Variants in RPS6KC1 observed in about 807,000 individuals in gnomAD.
The protein encoded by RPS6KC1 is inactive ribosomal protein S6 kinase delta-1.
RPS6KC1 carries 54 observed loss-of-function variants against 103.8 expected under a neutral mutation model. That is an observed-to-expected ratio of 0.52 (90% confidence interval 0.42 to 0.65). The LOEUF (loss-of-function observed/expected upper bound fraction) is 0.65, where lower values mean the gene tolerates loss of function less well. RPS6KC1 is among the 30% of genes least tolerant of loss of function. The pLI, the probability that RPS6KC1 is intolerant of heterozygous loss-of-function variation, is 0.00. For missense variants in RPS6KC1, 1,151 were observed against 1,253.8 expected (o/e 0.92, Z 1.24); for synonymous variants, 439 against 438.7 (o/e 1.00, Z -0.01).
At chr1:213,781,654 A>G in the RPS6KC1 span, among the ~76,000 whole-genome samples, 1 of 152,152 alleles carries the variant, frequency 6.6e-6, no homozygotes, top group Non-Finnish European at 1.5e-5. Flanking sequence ...GAGACTGGAG[A>G]CCCAAACTCA....
At chr1:213,839,320 T>G in the RPS6KC1 span, among the ~76,000 whole-genome samples, 1 of 152,226 alleles carries the variant, frequency 6.6e-6, no homozygotes, top group African/African-American at 2.4e-5. Context: ...ATCTCTCTGC[T>G]TTTGTATCTC....
chr1:213,426,000 GGAGTA>G, the RPS6KC1 span, among the ~76,000 whole-genome samples: 1 of 152,128 alleles, frequency 6.6e-6, no homozygotes, highest in Non-Finnish European at 1.5e-5. Context: ...TCCCAAGATT[GGAGTA>G]GAGTGTTTTA....
chr1:213,195,008 G>C (rs1377770507), intron 8 of RPS6KC1, among the ~76,000 whole-genome samples: 1 of 152,212 alleles, frequency 6.6e-6, no homozygotes, highest in Non-Finnish European at 1.5e-5. Context: ...ATTAGAGATG[G>C]TGGAGGAGAG....
chr1:213,078,070 A>C (rs1284247215), intron 3 of RPS6KC1, among the ~76,000 whole-genome samples: 1 of 152,168 alleles, frequency 6.6e-6, no homozygotes, highest in African/African-American at 2.4e-5. Context: ...CTGTAGGAAC[A>C]TAAGAAAAGG....
At chr1:213,481,250 T>A in the RPS6KC1 span, among the ~76,000 whole-genome samples, 16,292 of 152,266 alleles carry the variant, frequency 0.11, 1,196 homozygotes, top group Middle Eastern at 0.2. Context: ...TTTGAAACTA[T>A]TATCTAGAGC....
At chr1:213,819,248 A>C in the RPS6KC1 span, 1 of 152,274 alleles carries the variant, frequency 6.6e-6, no homozygotes, top group Non-Finnish European at 1.5e-5. Context: ...AAGGAAGTCC[A>C]TTCAGCTTTC....
At chr1:213,194,172 T>C (rs1325272426) in intron 8 of RPS6KC1, among the ~76,000 whole-genome samples, 1 of 152,228 alleles carries the variant, frequency 6.6e-6, no homozygotes, top group South Asian at 2.1e-4. Context: ...AGTATCTTTT[T>C]CCATCTCTTT....
chr1:213,832,915 T>G, the RPS6KC1 span, among the ~76,000 whole-genome samples: 1 of 152,092 alleles, frequency 6.6e-6, no homozygotes, highest in African/African-American at 2.4e-5. Flanking sequence ...CTCCCCTTCC[T>G]GTGAACTCCT....
chr1:213,132,954 T>A (rs1257817688), intron 6 of RPS6KC1, among the ~76,000 whole-genome samples: 1 of 152,216 alleles, frequency 6.6e-6, no homozygotes, highest in Non-Finnish European at 1.5e-5. Context: ...GTTTTTCTTA[T>A]TTAACTGGTA....
chr1:213,352,386 A>G, the RPS6KC1 span, among the ~76,000 whole-genome samples: 1 of 152,234 alleles, frequency 6.6e-6, no homozygotes, highest in African/African-American at 2.4e-5. Flanking sequence ...TGAAACATGC[A>G]AATGATGAAA....
the RPS6KC1 span, among the ~76,000 whole-genome samples, chr1:213,417,210 T>C: frequency 1.3e-5 from 2 of 152,140 alleles, no homozygotes; most frequent in African/African-American, 2.4e-5. Flanking sequence ...GAGCTCCTTA[T>C]ACATTTGCTA....
chr1:213,568,037 C>T, the RPS6KC1 span, among the ~76,000 whole-genome samples: 1 of 152,166 alleles, frequency 6.6e-6, no homozygotes, highest in Non-Finnish European at 1.5e-5. Flanking sequence ...TGGGACCACT[C>T]CCAAGTGACA....
intron 7 of RPS6KC1, among the ~76,000 whole-genome samples, chr1:213,175,835 C>T (rs2091829840): frequency 6.6e-6 from 1 of 152,132 alleles, no homozygotes; most frequent in African/African-American, 2.4e-5. Flanking sequence ...CTTAATTTTT[C>T]ACAATTATTG....
the RPS6KC1 span, among the ~76,000 whole-genome samples, chr1:213,783,425 T>G: frequency 6.6e-6 from 1 of 152,242 alleles, no homozygotes; most frequent in East Asian, 1.9e-4. Context: ...TAACCACTGG[T>G]GACATCTGCA....
chr1:213,838,584 GA>G, the RPS6KC1 span, among the ~76,000 whole-genome samples: 540 of 146,544 alleles, frequency 3.7e-3, 6 homozygotes, highest in African/African-American at 0.012. Flanking sequence ...ATTTTTCTGA[GA>G]AAAAAAAAAA....
intron 7 of RPS6KC1, among the ~76,000 whole-genome samples, chr1:213,168,540 C>G (rs959753143): frequency 1.4e-5 from 2 of 142,140 alleles, no homozygotes; most frequent in Non-Finnish European, 2.9e-5. Context: ...CTGGAGGAAA[C>G]TTTTCTGTTA....
At chr1:213,718,275 A>G in the RPS6KC1 span, among the ~76,000 whole-genome samples, 1 of 152,258 alleles carries the variant, frequency 6.6e-6, no homozygotes, top group Non-Finnish European at 1.5e-5. Context: ...AAAGCCCAGC[A>G]GCTGTGACTG....
chr1:213,051,291 G>A lies in RPS6KC1; in HGVS notation c.-114G>A, dbSNP rs2076919026. ...GAGGCGCCGCCGTGGAGCCGCCTTG[G>A]AGCCACCGCCCCCTCGCCGCTTCGC... On this transcript the variant is annotated 5_prime_UTR_variant, in exon 1 of 15. Coordinates refer to ENST00000366960, the MANE Select transcript of RPS6KC1 (RefSeq NM_012424.6). 1 of 732,396 alleles carries A rather than the reference G, an allele frequency of 1.4e-6. No individual in the cohort carries two copies. The highest frequency in any genetic ancestry group is 2.3e-6 in the Non-Finnish European group (1 of 432,324). The allele number at this position is 732,396 out of a possible 1,614,324, so 45.4% of individuals were successfully genotyped here.
chr1:213,828,425 T>C, the RPS6KC1 span, among the ~76,000 whole-genome samples: 2 of 152,140 alleles, frequency 1.3e-5, no homozygotes, highest in Non-Finnish European at 2.9e-5. Flanking sequence ...GGATATCTCA[T>C]ATAGCAAGAA....
Sources: allele counts gnomAD v4.1 joint callset (sites outside exome capture counted in the v4.1 genomes callset), GRCh38; gene constraint gnomAD v4.1.1; transcripts MANE v1.5; gene names NCBI Gene and HGNC (gene_info 2026-07-23, HGNC 2026-07-21).